Variants in EFNA5 observed in about 807,000 individuals in gnomAD.
EFNA5 encodes ephrin A5, also known as ephrin-A5.
A neutral mutation model predicts 22.9 loss-of-function variants in EFNA5; 5 were observed. The observed-to-expected ratio is 0.22, with a 90% CI of 0.11 to 0.46. The LOEUF (loss-of-function observed/expected upper bound fraction) is 0.46, where lower values mean the gene tolerates loss of function less well. Ranked by LOEUF, EFNA5 falls within the 20% of genes least tolerant of loss-of-function variation. The pLI is 0.99. For missense variants in EFNA5, 237 were observed against 293.3 expected (o/e 0.81, Z 1.40); for synonymous variants, 113 against 112.2 (o/e 1.01, Z -0.04).
chr5:107,596,651 T>G (rs1749478588), intron 1 of EFNA5, among the ~76,000 whole-genome samples: 1 of 152,132 alleles, frequency 6.6e-6, no homozygotes, highest in African/African-American at 2.4e-5. Context: ...TAATTCAATC[T>G]TTGGCCTGCA....
intron 1 of EFNA5, among the ~76,000 whole-genome samples, chr5:107,539,735 G>T (rs1748005643): frequency 6.6e-6 from 1 of 152,116 alleles, no homozygotes; most frequent in African/African-American, 2.4e-5. Flanking sequence ...GGGATTACAG[G>T]CTATAGGCAC....
intron 1 of EFNA5, among the ~76,000 whole-genome samples, chr5:107,448,052 T>G (rs1052422001): frequency 9.9e-5 from 15 of 151,998 alleles, no homozygotes; most frequent in African/African-American, 3.4e-4. Context: ...CACCTCAGCC[T>G]CCCAAAGTGC....
chr5:107,597,946 G>C (rs1033428335), intron 1 of EFNA5, among the ~76,000 whole-genome samples: 11 of 152,116 alleles, frequency 7.2e-5, no homozygotes, highest in African/African-American at 2.7e-4. Context: ...ATAATTATCT[G>C]TAAGCACACT....
At chr5:107,492,888 A>G (rs1746852104) in intron 1 of EFNA5, among the ~76,000 whole-genome samples, 1 of 151,894 alleles carries the variant, frequency 6.6e-6, no homozygotes, top group Non-Finnish European at 1.5e-5. Flanking sequence ...AATCCCAACT[A>G]TTCAGGAGGC....
chr5:107,663,949 T>C (rs1173918382), intron 1 of EFNA5, among the ~76,000 whole-genome samples: 1 of 152,200 alleles, frequency 6.6e-6, no homozygotes, highest in Non-Finnish European at 1.5e-5. Context: ...TTTTTCCTTA[T>C]TGAAAATGAT....
At chr5:107,555,666 C>A (rs924382794) in intron 1 of EFNA5, among the ~76,000 whole-genome samples, 6 of 152,228 alleles carry the variant, frequency 3.9e-5, no homozygotes, top group Admixed American at 3.9e-4. Context: ...AAGATATACA[C>A]ATTCTTCTAT....
intron 1 of EFNA5, among the ~76,000 whole-genome samples, chr5:107,504,650 T>G (rs1295635494): frequency 6.6e-6 from 1 of 152,186 alleles, no homozygotes; most frequent in Non-Finnish European, 1.5e-5. Flanking sequence ...TGATTCAGTC[T>G]GCCCATCTGT....
At chr5:107,612,164 G>A (rs1255831482) in intron 1 of EFNA5, among the ~76,000 whole-genome samples, 1 of 152,086 alleles carries the variant, frequency 6.6e-6, no homozygotes, top group African/African-American at 2.4e-5. Flanking sequence ...ATTATCTCAG[G>A]TTATTTTACT....
At chr5:107,584,334 A>C (rs1749131529) in intron 1 of EFNA5, among the ~76,000 whole-genome samples, 1 of 152,204 alleles carries the variant, frequency 6.6e-6, no homozygotes. Flanking sequence ...TCTAAACGCC[A>C]AGGAGGCAAA....
chr5:107,519,590 G>T (rs1010180128), intron 1 of EFNA5, among the ~76,000 whole-genome samples: 2 of 152,174 alleles, frequency 1.3e-5, no homozygotes, highest in African/African-American at 4.8e-5. Context: ...GTCTTTGAAA[G>T]AGTGTCTTCC....
At chr5:107,633,857 G>T (rs1750314263) in intron 1 of EFNA5, among the ~76,000 whole-genome samples, 1 of 152,052 alleles carries the variant, frequency 6.6e-6, no homozygotes, top group Non-Finnish European at 1.5e-5. Flanking sequence ...CAGATCCAAA[G>T]AACTTTTCTT....
chr5:107,383,273 G>A (rs1580413469), intron 4 of EFNA5, among the ~76,000 whole-genome samples: 2 of 152,164 alleles, frequency 1.3e-5, no homozygotes, highest in African/African-American at 4.8e-5. Context: ...GAAAAGGTTA[G>A]GAAGCAAGAT....
chr5:107,641,063 A>G (rs1288682569), intron 1 of EFNA5, among the ~76,000 whole-genome samples: 4 of 152,030 alleles, frequency 2.6e-5, no homozygotes, highest in Non-Finnish European at 5.9e-5. Context: ...ATGTATGGAT[A>G]TGATTAAAAA....
chr5:107,667,627 T>C (rs964552939), intron 1 of EFNA5, among the ~76,000 whole-genome samples: 1 of 152,176 alleles, frequency 6.6e-6, no homozygotes. Flanking sequence ...TTAGACACAG[T>C]GTACATTATC....
chr5:107,647,657 T>A (rs1353718468), intron 1 of EFNA5, among the ~76,000 whole-genome samples: 1 of 152,148 alleles, frequency 6.6e-6, no homozygotes, highest in Non-Finnish European at 1.5e-5. Flanking sequence ...AACAAATTAC[T>A]AAATGCAGAA....
chr5:107,407,646 T>C (rs551031532), intron 2 of EFNA5, among the ~76,000 whole-genome samples: 1 of 152,346 alleles, frequency 6.6e-6, no homozygotes, highest in East Asian at 1.9e-4. Flanking sequence ...TTTTAGGAAT[T>C]AAATGTTTAA....
At chr5:107,431,175 T>C (rs558209876) in intron 1 of EFNA5, among the ~76,000 whole-genome samples, 42 of 152,338 alleles carry the variant, frequency 2.8e-4, no homozygotes, top group African/African-American at 1.0e-3. Context: ...TAAATTCATA[T>C]AGTTTAGTAA....
At chr5:107,478,701 A>AT (rs1750374960) in intron 1 of EFNA5, among the ~76,000 whole-genome samples, 1 of 152,224 alleles carries the variant, frequency 6.6e-6, no homozygotes, top group Non-Finnish European at 1.5e-5. Flanking sequence ...CATTGGTCTT[A>AT]ATAAATAGGA....
intron 1 of EFNA5, among the ~76,000 whole-genome samples, chr5:107,668,491 GGT>G (rs1324273634): frequency 1.3e-5 from 2 of 152,240 alleles, no homozygotes; most frequent in East Asian, 3.9e-4. Context: ...TAAGAAGGGG[GGT>G]TAAAGTAGGG....
Sources: gnomAD v4.1 joint callset for allele counts (sites outside exome capture counted in the v4.1 genomes callset) on GRCh38, gnomAD v4.1.1 for gene constraint, MANE v1.5 for transcripts, NCBI Gene and HGNC (gene_info 2026-07-23, HGNC 2026-07-21) for gene names.